The following RPL15 variants were observed in gnomAD, a reference collection of about 807,000 sequenced individuals.
The protein encoded by RPL15 is large ribosomal subunit protein eL15.
For synonymous variants in RPL15, 97 were observed against 95.1 expected, an observed-to-expected ratio of 1.02 and a Z score of -0.12; for missense variants, 161 against 271.8, an observed-to-expected ratio of 0.59 and a Z score of 2.87.
At chr3:23,917,778 T>C in intron 1 of RPL15, 72 bp from the exon 2 acceptor site, 1 of 1,442,502 alleles carries the variant, frequency 6.9e-7, no homozygotes, top group East Asian at 2.3e-5. Flanking sequence ...GTTGGGGAAC[T>C]AAGATGGACG....
In RPL15 at chr3:23,920,699, T is replaced by C. The variant is rs368063073; in HGVS notation, c.*1198T>C. The C allele has an allele frequency of 1.1e-4, 112 of 985,098 alleles. 1 individual carries two copies. The highest frequency in any genetic ancestry group is 5.2e-4 in the Middle Eastern group (1 of 1,934). The allele number at this position is 985,098 out of a possible 1,614,324, so 61.0% of individuals were successfully genotyped here. On this transcript the variant is annotated 3_prime_UTR_variant, in exon 4 of 4. Transcript: ENST00000307839. ...TAGGGGTTTCAAAAGACTCAGTTAA[T>C]TGATTTCCAGGAAGTACTCATAGCA...
At chr3:23,918,644 A>C (rs537088236) in intron 3 of RPL15, 68 bp downstream of exon 3, 1 of 1,550,054 alleles carries the variant, frequency 6.5e-7, no homozygotes, top group South Asian at 1.2e-5. Context: ...AGATTAAGCA[A>C]CTTTTCTGAT....
In RPL15 at chr3:23,919,507, G is replaced by T. The variant is rs781162815; in HGVS notation, c.*6G>T. On this transcript the variant is annotated 3_prime_UTR_variant, in exon 4 of 4. Transcript: ENST00000307839. Reference sequence around the variant, plus strand: ...AGCTCCACCGTTACCGCTAATATAAGTAAAGTTTGTAAAATTCATACTTAA... The same window carrying T: ...AGCTCCACCGTTACCGCTAATATAATTAAAGTTTGTAAAATTCATACTTAA... The T allele has an allele frequency of 4.5e-6, 7 of 1,553,524 alleles. No individual in the cohort carries two copies. In the South Asian group the frequency reaches 7.0e-5, roughly 16 times the overall value.
chr3:23,923,538 AT>A (rs1341313098), downstream of RPL15: 1 of 152,152 alleles, frequency 6.6e-6, no homozygotes, highest in Non-Finnish European at 1.5e-5. Flanking sequence ...TTCTTTTGGT[AT>A]AACTGCATGG....
chr3:23,923,899 G>A (rs1451633234), downstream of RPL15: 4 of 152,112 alleles, frequency 2.6e-5, no homozygotes, highest in Non-Finnish European at 5.9e-5. Flanking sequence ...CTTTTATTTT[G>A]CATTCTGAGT....
intron 3 of RPL15, 52 bp from the exon 4 acceptor site, chr3:23,919,144 G>A: frequency 8.0e-7 from 1 of 1,245,714 alleles, no homozygotes; most frequent in African/African-American, 1.5e-5. Flanking sequence ...TTTCTGACTT[G>A]CTGCTATAGG....
Position 23,919,783 on chromosome 3 carries a change from A to G in RPL15, c.*282A>G. ...TAACAGGCTTAATAAATTCTTTAAA[A>G]GGAGAGAACTGAAACTAGCCCTGTA... On this transcript the variant is annotated 3_prime_UTR_variant, in exon 4 of 4. Coordinates refer to ENST00000307839, the MANE Select transcript of RPL15 (RefSeq NM_002948.5). The G allele has an allele frequency of 2.7e-6, 3 of 1,122,938 alleles. No individual in the cohort carries two copies. Among genetic ancestry groups the G allele is most frequent in the Non-Finnish European group, 3.3e-6 (3 of 918,020 alleles). 69.6% of individuals were successfully genotyped at this position (1,122,938 alleles called of 1,614,324 possible). A position where few individuals can be genotyped will look rare whatever the true frequency, so the allele number is the denominator to read the frequency against.
chr3:23,918,146 G>GA, intron 2 of RPL15, 115 bp downstream of exon 2: 1 of 1,329,348 alleles, frequency 7.5e-7, no homozygotes, highest in Non-Finnish European at 1.0e-6. Context: ...GGCTTTGGCA[G>GA]AAAAAAGCTA....
At chr3:23,923,617 T>G (rs1394569103), downstream of RPL15, 1 of 152,212 alleles carries the variant, frequency 6.6e-6, no homozygotes, top group Admixed American at 6.5e-5. Context: ...TTAAATTTCT[T>G]CCAATCTGTT....
chr3:23,921,570 G>GTTGTTTTTT, downstream of RPL15: 4 of 508,310 alleles, frequency 7.9e-6, no homozygotes, highest in Non-Finnish European at 1.4e-5. Context: ...TGATTATTGA[G>GTTGTTTTTT]TTTTTTTTTT....
intron 2 of RPL15, 91 bp downstream of exon 2, chr3:23,918,122 C>CT: frequency 6.8e-7 from 1 of 1,470,282 alleles, no homozygotes; most frequent in Non-Finnish European, 9.2e-7. Flanking sequence ...GCCTCAGTGT[C>CT]TTTCTTCGCA....
At chr3:23,918,886 C>G (rs1704885834) in intron 3 of RPL15, 1 of 513,700 alleles carries the variant, frequency 1.9e-6, no homozygotes, top group East Asian at 3.3e-5. Flanking sequence ...TTGCTGAGCT[C>G]TCAGTTGTAT....
At chr3:23,917,717 C>G in intron 1 of RPL15, 133 bp from the exon 2 acceptor site, 1 of 885,616 alleles carries the variant, frequency 1.1e-6, no homozygotes, top group Non-Finnish European at 1.7e-6. Flanking sequence ...GCTAGCTGTC[C>G]CCGGCAGTTG....
In RPL15 at chr3:23,919,963, T is replaced by G; in HGVS notation, c.*462T>G. ...AAATCTGGGTTAGCCTGAAGAAAATTGCCTCAGCCTCCACAGTACCATTTT... is the reference window on the plus strand; with the variant it reads ...AAATCTGGGTTAGCCTGAAGAAAATGGCCTCAGCCTCCACAGTACCATTTT... On this transcript the variant is annotated 3_prime_UTR_variant, in exon 4 of 4. Coordinates refer to ENST00000307839, the MANE Select transcript of RPL15 (RefSeq NM_002948.5). 1 of 988,664 alleles carries G rather than the reference T, an allele frequency of 1.0e-6. No individual in the cohort carries two copies. The highest frequency in any genetic ancestry group is 4.7e-5 in the South Asian group (1 of 21,480). The allele number at this position is 988,664 out of a possible 1,614,324, so 61.2% of individuals were successfully genotyped here.
chr3:23,921,846 A>T, downstream of RPL15: 2 of 526,028 alleles, frequency 3.8e-6, no homozygotes, highest in South Asian at 5.1e-5. Context: ...AAGTGCTGGG[A>T]TTACAGGCGT....
chr3:23,921,763 CTG>C (rs753887770), downstream of RPL15: 12 of 598,112 alleles, frequency 2.0e-5, no homozygotes, highest in Non-Finnish European at 3.5e-5. Context: ...TTAGTAGAGA[CTG>C]GGTTTCACTA....
intron 2 of RPL15, 176 bp from the exon 3 acceptor site, chr3:23,918,264 C>G (rs1704795641): frequency 3.3e-6 from 3 of 903,380 alleles, no homozygotes; most frequent in Admixed American, 2.9e-5. Flanking sequence ...GTGTGCCTCC[C>G]TGTGTGAGTA....
In RPL15 at chr3:23,920,250, C is replaced by A; in HGVS notation, c.*749C>A. The A allele has an allele frequency of 1.0e-6, 1 of 985,628 alleles. No homozygotes were observed. Among genetic ancestry groups the A allele is most frequent in the Non-Finnish European group, 1.2e-6 (1 of 829,770 alleles). The allele number at this position is 985,628 out of a possible 1,614,324, so 61.1% of individuals were successfully genotyped here. A position where few individuals can be genotyped will look rare whatever the true frequency, so the allele number is the denominator to read the frequency against. ...AATGCTAATTGTGATCATTATGAAT[C>A]CCTTCAGTCACATTAGGGGGAAAGT... is the stretch of plus-strand genomic sequence containing the variant. On this transcript the variant is annotated 3_prime_UTR_variant, in exon 4 of 4. Transcript: ENST00000307839.
chr3:23,922,124 C>G (rs1034045076), downstream of RPL15: 1 of 153,410 alleles, frequency 6.5e-6, no homozygotes, highest in African/African-American at 2.4e-5. This position sits in a 1 kb window ranked among gnomAD's most constrained non-coding sequence, Gnocchi z 4.2. Context: ...GCCTGAGCAA[C>G]GTGGTGAGAG....
Sources: gnomAD v4.1 joint callset for allele counts on GRCh38, gnomAD v4.1.1 for gene constraint, Gnocchi (gnomAD v3.1) non-coding constraint, MANE v1.5 for transcripts, NCBI Gene and HGNC (gene_info 2026-07-23, HGNC 2026-07-21) for gene names.